The following CDH23 variants were observed in gnomAD, a reference collection of about 807,000 sequenced individuals.
CDH23 encodes cadherin-23.
CDH23 carries 189 observed loss-of-function variants against 317.1 expected under a neutral mutation model. The ratio of observed to expected loss-of-function variants is 0.60; its 90% CI spans 0.53 to 0.67. The LOEUF (loss-of-function observed/expected upper bound fraction) is 0.67, where lower values mean the gene tolerates loss of function less well. Ranked by LOEUF, CDH23 falls within the 30% of genes least tolerant of loss-of-function variation. The probability of loss-of-function intolerance (pLI) is 0.00; values close to 1 mark genes in which losing one functional copy is unlikely to be tolerated. For synonymous variants in CDH23, 1,839 were observed against 1,876.8 expected (o/e 0.98, Z 0.52); for missense variants, 4,401 against 4,592.4 (o/e 0.96, Z 1.20).
At chr10:71,640,711 G>T (rs762921535) in intron 11 of CDH23, among the ~76,000 whole-genome samples, 4 of 152,106 alleles carry the variant, frequency 2.6e-5, no homozygotes, top group Non-Finnish European at 2.9e-5. Flanking sequence ...CTGAGATCAC[G>T]CCACTGCACT....
intron 1 of CDH23, among the ~76,000 whole-genome samples, chr10:71,425,820 G>A (rs958879199): frequency 6.6e-6 from 1 of 152,202 alleles, no homozygotes; most frequent in Admixed American, 6.5e-5. Flanking sequence ...GCAGTCACAT[G>A]TACAGAAAGA....
chr10:71,577,928 C>A lies in CDH23; in HGVS notation c.768C>A (p.Arg256=), dbSNP rs1171765196. 3.1e-6 allele frequency: 5 copies of A among 1,600,696 alleles called. No individual in the cohort carries two copies. In the Admixed American group the frequency reaches 6.8e-5, roughly 22 times the overall value. ...CTTCTGCCCAGGGCACGACGGTGCG[C>A]ATCATCACCGCCATAGACCAGGATA... is the stretch of plus-strand genomic sequence containing the variant. The part of the protein sequence containing the change: ...YEHSPPGTTV[R]IITAIDQDKG... The change falls in exon 9 of 70, where the codon CGC becomes CGA. Residue 256 remains arginine, a synonymous_variant. Coordinates refer to ENST00000224721, the MANE Select transcript of CDH23 (RefSeq NM_022124.6).
chr10:71,790,544 A>G (rs1841221161), intron 46 of CDH23, 131 bp downstream of exon 46: 1 of 1,221,114 alleles, frequency 8.2e-7, no homozygotes, highest in Non-Finnish European at 1.1e-6. Flanking sequence ...TTCACAGCCC[A>G]GAGTCCCCAT....
At chr10:71,515,409 CACA>C (rs750798505) in intron 6 of CDH23, among the ~76,000 whole-genome samples, 12 of 151,860 alleles carry the variant, frequency 7.9e-5, no homozygotes, top group Non-Finnish European at 1.5e-4. Flanking sequence ...CACACACACA[CACA>C]CACACACGCA....
chr10:71,752,107 G>A (rs1239507609), intron 38 of CDH23: 1 of 667,730 alleles, frequency 1.5e-6, no homozygotes, highest in Non-Finnish European at 2.7e-6. Context: ...CCTCCCTGTG[G>A]TCTGACCATC....
intron 44 of CDH23, among the ~76,000 whole-genome samples, chr10:71,787,970 C>T (rs1004106682): frequency 1.3e-5 from 2 of 152,186 alleles, no homozygotes; most frequent in Non-Finnish European, 2.9e-5. Flanking sequence ...CTCCATATTG[C>T]TTGCCACAGT....
chr10:71,408,598 G>T (rs757430461), intron 1 of CDH23, among the ~76,000 whole-genome samples: 15 of 151,500 alleles, frequency 9.9e-5, no homozygotes, highest in Non-Finnish European at 2.1e-4. Flanking sequence ...GTGGCCATGG[G>T]CTAGGACCTG....
At chr10:71,420,360 TC>T (rs1848697176) in intron 1 of CDH23, among the ~76,000 whole-genome samples, 1 of 151,056 alleles carries the variant, frequency 6.6e-6, no homozygotes, top group African/African-American at 2.4e-5. Context: ...TTTCTCAGTG[TC>T]CTCTCCAGTA....
At chr10:71,707,445 G>T in intron 26 of CDH23, 1 of 1,238,860 alleles carries the variant, frequency 8.1e-7, no homozygotes, top group Admixed American at 3.7e-5. Context: ...GACCTGTTGA[G>T]AATTCCCACC....
rs1842004649 is a variant in CDH23 at position 71,813,297 on chromosome 10, T to G, written c.9687T>G (p.Phe3229Leu). The stretch of plus-strand genomic sequence containing the variant: ...ATTACCTGCGGCTCAAAAAGCTCTT[T>G]GCACAGCGGATGGTGCAAAAAGCCT... Reference protein sequence around the residue: ...LEDYLRLKKLFAQRMVQKASS... With the variant: ...LEDYLRLKKLLAQRMVQKASS... The change falls in exon 69 of 70, where the codon TTT becomes TTG. Residue 3229 changes from phenylalanine (F) to leucine (L), a missense_variant. Coordinates refer to ENST00000224721, the MANE Select transcript of CDH23 (RefSeq NM_022124.6). The G allele has an allele frequency of 1.9e-6, 3 of 1,551,540 alleles. No individual in the cohort carries two copies. The highest frequency in any genetic ancestry group is 2.0e-5 in the Admixed American group (1 of 50,978).
At chr10:71,579,072 G>T (rs1589228523) in intron 9 of CDH23, among the ~76,000 whole-genome samples, 1 of 152,196 alleles carries the variant, frequency 6.6e-6, no homozygotes, top group African/African-American at 2.4e-5. Context: ...GGTGATGTAA[G>T]GGTCAGATGA....
intron 3 of CDH23, among the ~76,000 whole-genome samples, chr10:71,467,239 A>G (rs1851299517): frequency 6.6e-6 from 1 of 152,174 alleles, no homozygotes; most frequent in Non-Finnish European, 1.5e-5. Flanking sequence ...AACTGTACAG[A>G]CATAAACGTG....
chr10:71,814,936 T>G lies in CDH23; in HGVS notation c.9739-16T>G, dbSNP rs1489818763. 5.6e-6 allele frequency: 9 copies of G among 1,596,726 alleles called. No homozygotes were observed. Among genetic ancestry groups the G allele is most frequent in the Non-Finnish European group, 6.8e-6 (8 of 1,169,800 alleles). On this transcript the variant is annotated splice_polypyrimidine_tract_variant and intron_variant, in intron 69 of 69. Coordinates refer to ENST00000224721, the MANE Select transcript of CDH23 (RefSeq NM_022124.6). ...GGGCATGGCCCTGAGCATGTGGGGG[T>G]CCCGGCCTCTTGCAGCTGATACAGA... is the stretch of plus-strand genomic sequence containing the variant.
intron 11 of CDH23, among the ~76,000 whole-genome samples, chr10:71,637,739 G>C (rs1303264110): frequency 6.6e-6 from 1 of 152,064 alleles, no homozygotes; most frequent in African/African-American, 2.4e-5. Context: ...TCCCAGCCCC[G>C]ATCCAGCTTG....
chr10:71,687,556 C>A (rs1275430815), intron 18 of CDH23, 91 bp from the exon 19 acceptor site: 15 of 1,181,430 alleles, frequency 1.3e-5, no homozygotes, highest in Non-Finnish European at 1.9e-5. Context: ...GCCAGCCAGA[C>A]CTAGCCTGAC....
At chr10:71,630,587 G>C (rs938135419) in intron 11 of CDH23, among the ~76,000 whole-genome samples, 2 of 152,216 alleles carry the variant, frequency 1.3e-5, no homozygotes, top group African/African-American at 2.4e-5. Flanking sequence ...TCCTGATACG[G>C]TAAAGCAGTC....
At chr10:71,713,078 T>C (rs1233391148) in intron 28 of CDH23, 1 of 751,290 alleles carries the variant, frequency 1.3e-6, no homozygotes, top group South Asian at 1.4e-5. Context: ...CCTGCATATC[T>C]CCCGCCCCAC....
At chr10:71,404,865 G>A (rs1848024988) in intron 1 of CDH23, among the ~76,000 whole-genome samples, 1 of 152,224 alleles carries the variant, frequency 6.6e-6, no homozygotes, top group South Asian at 2.1e-4. Context: ...GCTCCATTTG[G>A]AGAGGACCTG....
chr10:71,596,119 C>T (rs1859825689), intron 9 of CDH23, among the ~76,000 whole-genome samples: 1 of 152,032 alleles, frequency 6.6e-6, no homozygotes, highest in Non-Finnish European at 1.5e-5. Flanking sequence ...AGGCACACAC[C>T]TCAGCAGTGG....
Sources: gnomAD v4.1 joint callset for allele counts (sites outside exome capture counted in the v4.1 genomes callset) on GRCh38, gnomAD v4.1.1 for gene constraint, MANE v1.5 for transcripts, NCBI Gene and HGNC (gene_info 2026-07-23, HGNC 2026-07-21) for gene names.